The following SLC44A5 variants were observed in gnomAD, a reference collection of about 807,000 sequenced individuals.
The protein encoded by SLC44A5 is solute carrier family 44 member 5.
Under a neutral mutation model 101.8 loss-of-function variants are expected in SLC44A5, and 57 were observed. The ratio of observed to expected loss-of-function variants is 0.56; its 90% confidence interval spans 0.45 to 0.70. The LOEUF (loss-of-function observed/expected upper bound fraction) is 0.70, where lower values mean the gene tolerates loss of function less well. Ranked by LOEUF, SLC44A5 falls within the 30% of genes least tolerant of loss-of-function variation. SLC44A5 has a pLI of 0.00. For missense variants in SLC44A5, 737 were observed against 853.1 expected, an observed-to-expected ratio of 0.86 and a Z score of 1.70; for synonymous variants, 281 against 290.9, an observed-to-expected ratio of 0.97 and a Z score of 0.35.
chr1:75,643,153 G>T, the SLC44A5 span, among the ~76,000 whole-genome samples: 3 of 152,024 alleles, frequency 2.0e-5, no homozygotes, highest in African/African-American at 7.2e-5. Flanking sequence ...GTGAGCTTCA[G>T]ATAATACCAT....
At chr1:75,312,017 C>T (rs1655341540) in intron 4 of SLC44A5, among the ~76,000 whole-genome samples, 1 of 152,152 alleles carries the variant, frequency 6.6e-6, no homozygotes, top group Non-Finnish European at 1.5e-5. Flanking sequence ...ACAATTCCCA[C>T]ATGTTGATGA....
intron 1 of SLC44A5, among the ~76,000 whole-genome samples, chr1:75,605,697 A>G (rs1168232782): frequency 6.6e-6 from 1 of 152,104 alleles, no homozygotes; most frequent in Non-Finnish European, 1.5e-5. Flanking sequence ...TACTATGGGA[A>G]TCCACAGAAG....
chr1:75,657,778 A>G, the SLC44A5 span, among the ~76,000 whole-genome samples: 5 of 152,232 alleles, frequency 3.3e-5, no homozygotes, highest in Admixed American at 3.3e-4. Flanking sequence ...AAATAAAGTA[A>G]ACATTAATAG....
intron 2 of SLC44A5, among the ~76,000 whole-genome samples, chr1:75,398,776 T>G (rs1158908122): frequency 6.6e-6 from 1 of 152,176 alleles, no homozygotes; most frequent in Non-Finnish European, 1.5e-5. Context: ...CTGTAACAGC[T>G]TATGTCTTTT....
chr1:75,605,557 G>A (rs1407032542), intron 1 of SLC44A5, among the ~76,000 whole-genome samples: 1 of 151,980 alleles, frequency 6.6e-6, no homozygotes, highest in Non-Finnish European at 1.5e-5. Context: ...TTGTCAGACA[G>A]ATGCAGAATA....
intron 2 of SLC44A5, among the ~76,000 whole-genome samples, chr1:75,508,167 T>G (rs1323686346): frequency 1.3e-5 from 2 of 152,180 alleles, no homozygotes; most frequent in African/African-American, 4.8e-5. Flanking sequence ...AATCATACTC[T>G]TGGACCATAG....
intron 3 of SLC44A5, among the ~76,000 whole-genome samples, chr1:75,389,452 A>C (rs890349890): frequency 1.3e-5 from 2 of 152,206 alleles, no homozygotes; most frequent in Non-Finnish European, 2.9e-5. Context: ...ATTTTAAAAA[A>C]CTGAAATCAC....
the SLC44A5 span, among the ~76,000 whole-genome samples, chr1:75,722,625 T>C: frequency 6.6e-6 from 1 of 152,222 alleles, no homozygotes; most frequent in Admixed American, 6.5e-5. Flanking sequence ...TCCCTGCTCC[T>C]GTTACCCAAA....
At chr1:75,485,011 C>T (rs1252044298) in intron 2 of SLC44A5, among the ~76,000 whole-genome samples, 1 of 152,250 alleles carries the variant, frequency 6.6e-6, no homozygotes, top group African/African-American at 2.4e-5. Context: ...CCCAGGCCTC[C>T]AGGCCTGTGA....
At chr1:75,538,634 C>T (rs1483775844) in intron 2 of SLC44A5, among the ~76,000 whole-genome samples, 3 of 152,080 alleles carry the variant, frequency 2.0e-5, no homozygotes, top group African/African-American at 4.8e-5. Flanking sequence ...GAAGAAGGAA[C>T]GAATTGAGGC....
chr1:75,568,025 A>C (rs768465567), intron 1 of SLC44A5, among the ~76,000 whole-genome samples: 19 of 152,192 alleles, frequency 1.2e-4, no homozygotes, highest in Non-Finnish European at 2.5e-4. Context: ...GACTTTCCCC[A>C]CTAATAATGC....
At position 75,211,059 on chromosome 1, in the gene SLC44A5, A is replaced by G. The variant is rs1222803718; in HGVS notation, c.2047+409T>C. ...ATACTAACGAGCTTAGCAAATTTCA[A>G]GTTAACAATACAGTATTATTAACTA... is the stretch of plus-strand genomic sequence containing the variant. On this transcript the variant is annotated intron_variant, in intron 23 of 23. Transcript: ENST00000370859. 2.0e-5 allele frequency among the ~76,000 whole-genome samples: 3 copies of G among 152,166 alleles called. No individual in the cohort carries two copies. The East Asian group carries it at 5.8e-4, about 29-fold the overall frequency.
intron 2 of SLC44A5, among the ~76,000 whole-genome samples, chr1:75,441,385 G>C (rs888516582): frequency 6.6e-6 from 1 of 151,902 alleles, no homozygotes; most frequent in Admixed American, 6.6e-5. Context: ...TTTGCAGGGA[G>C]AGTACTGTAT....
At position 75,218,569 on chromosome 1, in the gene SLC44A5, C is replaced by A. The variant is rs773373016; in HGVS notation, c.1450G>T (p.Ala484Ser). 3.5e-5 allele frequency: 57 copies of A among 1,613,592 alleles called. No individual in the cohort carries two copies. Among genetic ancestry groups the A allele is most frequent in the Non-Finnish European group, 4.5e-5 (53 of 1,179,790 alleles). Residue 484 changes from alanine to serine, a missense_variant, in exon 17 of 24, where the codon GCT (alanine) becomes TCT (serine). Coordinates refer to ENST00000370859, the MANE Select transcript of SLC44A5 (RefSeq NM_001130058.2). ...LGQCALAGAF[A>S]TYYWAMKKPD... is the part of the protein sequence containing the mutation. Reference sequence around the variant, plus strand: ...TTTTTCATGGCCCAGTAATAAGTAGCGAATGCACCAGCAAGGGCGCACTGA... The same window carrying A: ...TTTTTCATGGCCCAGTAATAAGTAGAGAATGCACCAGCAAGGGCGCACTGA...
intron 6 of SLC44A5, among the ~76,000 whole-genome samples, chr1:75,272,329 C>T (rs200708763): frequency 2.8e-5 from 4 of 143,088 alleles, no homozygotes; most frequent in Non-Finnish European, 3.1e-5. Context: ...GGTCCCATTT[C>T]TTTTTTTTTT....
intron 9 of SLC44A5, among the ~76,000 whole-genome samples, chr1:75,239,734 T>A (rs1011180421): frequency 1.3e-5 from 2 of 152,070 alleles, no homozygotes; most frequent in South Asian, 2.1e-4. Context: ...ATCCTCCCAG[T>A]GATCCCAATG....
intron 1 of SLC44A5, among the ~76,000 whole-genome samples, chr1:75,608,809 C>G (rs1675479562): frequency 6.6e-6 from 1 of 151,832 alleles, no homozygotes. Context: ...GTCAATTGGT[C>G]CTACCCTAAC....
At chr1:75,476,098 G>C (rs865893642) in intron 2 of SLC44A5, among the ~76,000 whole-genome samples, 2 of 152,008 alleles carry the variant, frequency 1.3e-5, no homozygotes, top group Admixed American at 6.6e-5. Context: ...CATGAGAATC[G>C]CTTGAACCCG....
chr1:75,444,752 A>G (rs1570298200), intron 2 of SLC44A5, among the ~76,000 whole-genome samples: 1 of 152,172 alleles, frequency 6.6e-6, no homozygotes, highest in Non-Finnish European at 1.5e-5. Flanking sequence ...GTTCCATCCT[A>G]CAGTGGAGCA....
Sources: gnomAD v4.1 joint callset for allele counts (sites outside exome capture counted in the v4.1 genomes callset) on GRCh38, gnomAD v4.1.1 for gene constraint, MANE v1.5 for transcripts, NCBI Gene and HGNC (gene_info 2026-07-23, HGNC 2026-07-21) for gene names.